The following PPFIA2 variants were observed in gnomAD, a reference collection of about 807,000 sequenced individuals.
The protein encoded by PPFIA2 is liprin-alpha-2.
In PPFIA2, 46 loss-of-function variants were observed where a neutral mutation model predicts 175.5. That is an observed-to-expected ratio of 0.26 (90% confidence interval 0.21 to 0.34). The LOEUF (loss-of-function observed/expected upper bound fraction) is 0.34. Among genes scored for constraint, PPFIA2 ranks in the 10% least tolerant of loss-of-function variants. The probability of loss-of-function intolerance (pLI) is 1.00; values close to 1 mark genes in which losing one functional copy is unlikely to be tolerated. For synonymous variants in PPFIA2, 568 were observed against 511.4 expected (o/e 1.11, Z -1.49); for missense variants, 1,179 against 1,506.1 (o/e 0.78, Z 3.60).
intron 3 of PPFIA2, among the ~76,000 whole-genome samples, chr12:81,681,902 A>C (rs1175870361): frequency 6.6e-6 from 1 of 152,052 alleles, no homozygotes; most frequent in Non-Finnish European, 1.5e-5. Flanking sequence ...CGCATCGCAT[A>C]TCCCACAAGA....
intron 24 of PPFIA2, among the ~76,000 whole-genome samples, chr12:81,284,722 T>C (rs2042880917): frequency 6.6e-6 from 1 of 152,130 alleles, no homozygotes; most frequent in Admixed American, 6.6e-5. Context: ...TGTGTTATTA[T>C]CAAAATTTCC....
At chr12:81,712,304 TA>T (rs2078040945) in intron 3 of PPFIA2, among the ~76,000 whole-genome samples, 1 of 151,458 alleles carries the variant, frequency 6.6e-6, no homozygotes, top group Non-Finnish European at 1.5e-5. Flanking sequence ...TGTTGAGATT[TA>T]TATAAATATG....
Position 81,493,787 on chromosome 12 carries a change from T to TATATATAC in PPFIA2, c.304-35922_304-35921insGTATATAT, listed in dbSNP as rs1491517743. On this transcript the variant is annotated intron_variant, in intron 4 of 32. Coordinates refer to ENST00000549396, the MANE Select transcript of PPFIA2 (RefSeq NM_003625.5). ...ATATATATATATATATATATATATA[T>TATATATAC]ACACATTGGAAAAAATAACAGCATT... Among the ~76,000 whole-genome samples, 889 of 128,212 alleles carry TATATATAC rather than the reference T, an allele frequency of 6.9e-3. 6 individuals carry two copies. Among genetic ancestry groups the TATATATAC allele is most frequent in the African/African-American group, 0.012 (402 of 32,396 alleles). 84.1% of individuals were successfully genotyped at this position (128,212 alleles called of 152,430 possible). A position where few individuals can be genotyped will look rare whatever the true frequency, so the allele number is the denominator to read the frequency against.
chr12:81,411,003 T>C (rs536509106), intron 7 of PPFIA2, among the ~76,000 whole-genome samples: 1 of 152,188 alleles, frequency 6.6e-6, no homozygotes, highest in Non-Finnish European at 1.5e-5. Flanking sequence ...TTTCCCCTTT[T>C]GTGCCCCAAC....
At chr12:81,713,643 C>A (rs1177438110) in intron 3 of PPFIA2, among the ~76,000 whole-genome samples, 1 of 151,134 alleles carries the variant, frequency 6.6e-6, no homozygotes, top group African/African-American at 2.4e-5. Flanking sequence ...ACTCCTAGTT[C>A]TGGAAGTCCC....
At chr12:81,370,696 G>A (rs533824189) in intron 11 of PPFIA2, among the ~76,000 whole-genome samples, 1 of 151,960 alleles carries the variant, frequency 6.6e-6, no homozygotes, top group African/African-American at 2.4e-5. Context: ...GGAGGTGACC[G>A]TCAGGTTACC....
intron 7 of PPFIA2, among the ~76,000 whole-genome samples, chr12:81,434,971 A>G (rs1294434959): frequency 2.0e-5 from 3 of 152,134 alleles, no homozygotes; most frequent in Non-Finnish European, 4.4e-5. Flanking sequence ...AATTATTATT[A>G]TTATTTATAT....
chr12:81,502,840 T>C, intron 4 of PPFIA2, among the ~76,000 whole-genome samples: 1 of 152,150 alleles, frequency 6.6e-6, no homozygotes, highest in Non-Finnish European at 1.5e-5. Context: ...TAATCATTTA[T>C]CTAAATAATA....
chr12:81,636,449 T>C (rs1394432448), intron 4 of PPFIA2, among the ~76,000 whole-genome samples: 2 of 150,870 alleles, frequency 1.3e-5, no homozygotes, highest in African/African-American at 4.9e-5. Context: ...GTATTTTTAG[T>C]AGAGACGGGG....
chr12:81,412,352 A>G (rs1215863869), intron 7 of PPFIA2, among the ~76,000 whole-genome samples: 1 of 150,936 alleles, frequency 6.6e-6, no homozygotes, highest in Non-Finnish European at 1.5e-5. Flanking sequence ...AAAAAAAAAA[A>G]AAGGAAGCAG....
At chr12:81,448,449 A>G (rs1383108180) in intron 5 of PPFIA2, among the ~76,000 whole-genome samples, 1 of 152,194 alleles carries the variant, frequency 6.6e-6, no homozygotes, top group Non-Finnish European at 1.5e-5. Flanking sequence ...TCTTCAGGCT[A>G]TTCTCAAAAC....
At chr12:81,609,738 G>T (rs1013490770) in intron 4 of PPFIA2, among the ~76,000 whole-genome samples, 9 of 152,096 alleles carry the variant, frequency 5.9e-5, no homozygotes, top group African/African-American at 2.2e-4. Flanking sequence ...TTGCCACTCT[G>T]TGTCCTTTCA....
intron 3 of PPFIA2, among the ~76,000 whole-genome samples, chr12:81,686,526 A>G (rs1225455236): frequency 6.6e-6 from 1 of 151,958 alleles, no homozygotes; most frequent in African/African-American, 2.4e-5. Context: ...CGATAAAGGG[A>G]ATGTTTTGCT....
In PPFIA2 at chr12:81,675,936, C is replaced by T. The variant is rs181981688; in HGVS notation, c.303+855G>A. Among the ~76,000 whole-genome samples, 269 of 152,106 alleles carry T rather than the reference C, an allele frequency of 1.8e-3. 4 individuals are homozygous for T. The highest frequency in any genetic ancestry group is 0.017 in the Admixed American group (265 of 15,248). On this transcript the variant is annotated intron_variant, in intron 4 of 32. Transcript: ENST00000549396. ...GCAACTTGATGAAAATTAGATAACA[C>T]CGTGAGACATATCTGAGTGAGAAAG...
intron 27 of PPFIA2, among the ~76,000 whole-genome samples, chr12:81,281,031 T>A: frequency 6.6e-6 from 1 of 152,070 alleles, no homozygotes; most frequent in South Asian, 2.1e-4. Flanking sequence ...TTTGTACACA[T>A]ATATTTCCAT....
intron 5 of PPFIA2, among the ~76,000 whole-genome samples, chr12:81,447,488 T>C (rs928519166): frequency 1.3e-5 from 2 of 152,190 alleles, no homozygotes; most frequent in Admixed American, 6.5e-5. Flanking sequence ...CAGCTCTTTC[T>C]CATTCTTTAA....
At chr12:81,497,508 G>T (rs571314846) in intron 4 of PPFIA2, among the ~76,000 whole-genome samples, 1 of 143,978 alleles carries the variant, frequency 6.9e-6, no homozygotes, top group African/African-American at 2.6e-5. Context: ...GTCTTTAAGT[G>T]ACATCCCTAT....
chr12:81,402,753 T>C (rs2042293454), intron 8 of PPFIA2, among the ~76,000 whole-genome samples: 2 of 152,098 alleles, frequency 1.3e-5, no homozygotes, highest in East Asian at 1.9e-4. Context: ...ACTTGGAACA[T>C]TGAGATGGGA....
intron 4 of PPFIA2, among the ~76,000 whole-genome samples, chr12:81,555,231 T>C (rs1312006720): frequency 6.6e-6 from 1 of 152,008 alleles, no homozygotes; most frequent in Non-Finnish European, 1.5e-5. Flanking sequence ...ACCTTTTTAA[T>C]AGTCTTTCTA....
Sources: gnomAD v4.1 joint callset for allele counts (sites outside exome capture counted in the v4.1 genomes callset) on GRCh38, gnomAD v4.1.1 for gene constraint, MANE v1.5 for transcripts, NCBI Gene and HGNC (gene_info 2026-07-23, HGNC 2026-07-21) for gene names.